Variants in PDS5B observed in about 807,000 individuals in gnomAD.
The protein encoded by PDS5B is sister chromatid cohesion protein PDS5 homolog B.
PDS5B carries 51 observed loss-of-function variants against 184.1 expected under a neutral mutation model. The observed-to-expected ratio is 0.28, with a 90% CI of 0.22 to 0.35. The LOEUF (loss-of-function observed/expected upper bound fraction) is 0.35, where lower values mean the gene tolerates loss of function less well. PDS5B is among the 10% of genes least tolerant of loss of function. The pLI is 1.00. For synonymous variants in PDS5B, 566 were observed against 569.2 expected, an observed-to-expected ratio of 0.99 and a Z score of 0.08; for missense variants, 1,180 against 1,723.3, an observed-to-expected ratio of 0.68 and a Z score of 5.58.
At chr13:32,639,989 G>A (rs2058630088) in intron 1 of PDS5B, among the ~76,000 whole-genome samples, 2 of 152,076 alleles carry the variant, frequency 1.3e-5, no homozygotes, top group African/African-American at 2.4e-5. Flanking sequence ...AAATAGGATT[G>A]CTTATTGTTA....
intron 3 of PDS5B, among the ~76,000 whole-genome samples, chr13:32,654,109 G>A (rs1203663483): frequency 6.6e-6 from 1 of 152,108 alleles, no homozygotes; most frequent in Non-Finnish European, 1.5e-5. Flanking sequence ...GAATTTTTGA[G>A]TCTTATTCTA....
intron 1 of PDS5B, among the ~76,000 whole-genome samples, chr13:32,631,671 GTTTT>G (rs1212174143): frequency 1.3e-5 from 2 of 152,200 alleles, no homozygotes; most frequent in East Asian, 3.8e-4. Context: ...AAAGTTGACA[GTTTT>G]TTGTGAAAAT....
intron 19 of PDS5B, among the ~76,000 whole-genome samples, chr13:32,724,864 G>A (rs1167515881): frequency 6.6e-6 from 1 of 152,188 alleles, no homozygotes; most frequent in Non-Finnish European, 1.5e-5. Flanking sequence ...ACAGGTGTGA[G>A]CCACTGTGCC....
intron 19 of PDS5B, among the ~76,000 whole-genome samples, chr13:32,723,338 GT>G (rs1354952928): frequency 6.6e-6 from 1 of 152,062 alleles, no homozygotes; most frequent in African/African-American, 2.4e-5. Context: ...GAGATGCTGA[GT>G]TTTTTCTTTA....
At chr13:32,735,062 A>T (rs1849151398) in intron 20 of PDS5B, 110 bp from the exon 21 acceptor site, 4 of 625,290 alleles carry the variant, frequency 6.4e-6, no homozygotes, top group Admixed American at 6.9e-5. Flanking sequence ...TTATAATTTG[A>T]ATTACAAAAT....
chr13:32,727,522 CT>C (rs1952950628), intron 19 of PDS5B, among the ~76,000 whole-genome samples: 1 of 151,884 alleles, frequency 6.6e-6, no homozygotes, highest in African/African-American at 2.4e-5. Flanking sequence ...ATTTTTTGGT[CT>C]GAAAAAGTCT....
chr13:32,749,397 C>G (rs1181293773), intron 24 of PDS5B, among the ~76,000 whole-genome samples: 9 of 152,126 alleles, frequency 5.9e-5, no homozygotes, highest in Non-Finnish European at 1.2e-4. Flanking sequence ...TTTCTTGAGG[C>G]TCTTTAAATG....
At chr13:32,621,693 CA>C (rs1566254423) in intron 1 of PDS5B, among the ~76,000 whole-genome samples, 1 of 152,046 alleles carries the variant, frequency 6.6e-6, no homozygotes, top group Non-Finnish European at 1.5e-5. Context: ...TAGGAAATAA[CA>C]TCTAAAATAG....
chr13:32,775,157 A>G lies in PDS5B; in HGVS notation c.*105A>G. The G allele has an allele frequency of 5.2e-6, 5 of 969,014 alleles. No homozygotes were observed. Among genetic ancestry groups the G allele is most frequent in the Non-Finnish European group, 7.8e-6 (5 of 641,468 alleles). The allele number at this position is 969,014 out of a possible 1,614,324, so 60.0% of individuals were successfully genotyped here. A position where few individuals can be genotyped will look rare whatever the true frequency, so the allele number is the denominator to read the frequency against. ...TAAAGCCTTTGATGCACAAAATGGG[A>G]CTGCTGAAGAGTGGACAGTTGGACC... On this transcript the variant is annotated 3_prime_UTR_variant, in exon 35 of 35. Coordinates refer to ENST00000315596, the MANE Select transcript of PDS5B (RefSeq NM_015032.4).
intron 1 of PDS5B, among the ~76,000 whole-genome samples, chr13:32,635,170 G>GTTTTTTTTTTTTTTTTTTT (rs71071054): frequency 3.7e-5 from 3 of 81,120 alleles, no homozygotes; most frequent in Non-Finnish European, 7.5e-5. Context: ...AGCCAATTAC[G>GTTTTTTTTTTTTTTTTTTT]TTTTTTTTTT....
chr13:32,716,551 C>T (rs1471688715), intron 19 of PDS5B, among the ~76,000 whole-genome samples: 1 of 152,050 alleles, frequency 6.6e-6, no homozygotes, highest in South Asian at 2.1e-4. Flanking sequence ...CCGGCAGCCA[C>T]CCCATCTGGG....
chr13:32,723,879 G>A (rs1016604691), intron 19 of PDS5B, among the ~76,000 whole-genome samples: 1 of 152,054 alleles, frequency 6.6e-6, no homozygotes, highest in Non-Finnish European at 1.5e-5. Context: ...TTATATTATT[G>A]AAATTTTCAA....
At chr13:32,736,151 G>A (rs17077795) in intron 21 of PDS5B, among the ~76,000 whole-genome samples, 1,599 of 152,048 alleles carry the variant, frequency 0.011, 40 homozygotes, top group African/African-American at 0.036. Context: ...GTGCTTTTTT[G>A]TGCTCTTGTT....
intron 1 of PDS5B, among the ~76,000 whole-genome samples, chr13:32,602,904 G>A (rs893760317): frequency 7.2e-5 from 11 of 152,216 alleles, no homozygotes; most frequent in Non-Finnish European, 1.3e-4. Flanking sequence ...TTTGAGAAGT[G>A]TCTGTTCATA....
intron 1 of PDS5B, among the ~76,000 whole-genome samples, chr13:32,591,256 G>A (rs2057771400): frequency 6.6e-6 from 1 of 152,058 alleles, no homozygotes; most frequent in Non-Finnish European, 1.5e-5. Context: ...AGCCTCCTGA[G>A]TAACTGGGAC....
At chr13:32,620,725 T>A (rs982240067) in intron 1 of PDS5B, among the ~76,000 whole-genome samples, 1 of 152,152 alleles carries the variant, frequency 6.6e-6, no homozygotes, top group African/African-American at 2.4e-5. Context: ...GAGGAAATGC[T>A]TGATGTGTTT....
chr13:32,638,963 G>C, intron 1 of PDS5B, among the ~76,000 whole-genome samples: 1 of 152,124 alleles, frequency 6.6e-6, no homozygotes, highest in African/African-American at 2.4e-5. Context: ...ACATGGGGGC[G>C]TGGGGCGGGG....
intron 1 of PDS5B, among the ~76,000 whole-genome samples, chr13:32,599,953 C>G (rs1302449510): frequency 1.3e-5 from 2 of 152,038 alleles, no homozygotes; most frequent in South Asian, 2.1e-4. Flanking sequence ...CCCCATTCCT[C>G]TGTTTTTCCT....
chr13:32,723,378 T>C (rs1011960704), intron 19 of PDS5B, among the ~76,000 whole-genome samples: 1 of 151,920 alleles, frequency 6.6e-6, no homozygotes, highest in Non-Finnish European at 1.5e-5. Flanking sequence ...AGTTTGAATG[T>C]ATTTTTCATT....
Sources: gnomAD v4.1 joint callset for allele counts (sites outside exome capture counted in the v4.1 genomes callset) on GRCh38, gnomAD v4.1.1 for gene constraint, MANE v1.5 for transcripts, NCBI Gene and HGNC (gene_info 2026-07-23, HGNC 2026-07-21) for gene names.